FBN1: variants seen among roughly 807,000 people sequenced by gnomAD.
The protein encoded by FBN1 is fibrillin-1.
Under a neutral mutation model 365.1 loss-of-function variants are expected in FBN1, and 29 were observed. The ratio of observed to expected loss-of-function variants is 0.08; its 90% CI spans 0.06 to 0.11. The LOEUF (loss-of-function observed/expected upper bound fraction) is 0.11, where lower values mean the gene tolerates loss of function less well. Among genes scored for constraint, FBN1 ranks in the 10% least tolerant of loss-of-function variants. The probability of loss-of-function intolerance (pLI) is 1.00; values close to 1 mark genes in which losing one functional copy is unlikely to be tolerated. For synonymous variants in FBN1, 1,210 were observed against 1,270.5 expected (o/e 0.95, Z 1.01); for missense variants, 2,476 against 3,703.2 (o/e 0.67, Z 8.60).
At chr15:48,516,457 T>G (rs1031661517) in intron 10 of FBN1, 95 bp from the exon 11 acceptor site, 1 of 1,259,542 alleles carries the variant, frequency 7.9e-7, no homozygotes, top group African/African-American at 1.5e-5. Flanking sequence ...AAGATATTTT[T>G]GAATAAAATT....
chr15:48,481,315 C>T (rs183922107), intron 32 of FBN1, among the ~76,000 whole-genome samples: 70 of 152,204 alleles, frequency 4.6e-4, no homozygotes, highest in Non-Finnish European at 5.9e-5. Context: ...TTGGAAAAGG[C>T]TTGCTTCGGT....
intron 9 of FBN1, among the ~76,000 whole-genome samples, chr15:48,524,778 CA>C (rs1268358173): frequency 6.6e-6 from 1 of 152,164 alleles, no homozygotes. Flanking sequence ...TTCCCATCTA[CA>C]ATACTGCTGT....
chr15:48,425,850 T>C lies in FBN1; in HGVS notation c.7219A>G (p.Lys2407Glu), dbSNP rs774554301. ...TTTCGGCAAACATCGTGAATAACCT[T>C]GCATTCATCGATATCTGTAATTTAA... ...MTNGADIDEC[K>E]VIHDVCRNGE... Residue 2407 changes from lysine (K) to glutamate (E), a missense_variant, in exon 59 of 66, where the codon AAG becomes GAG. By Grantham distance (56) the Lys-to-Glu change is moderately conservative (BLOSUM62 1). This residue lies in a region of FBN1 where 1,780 missense variants were observed against 2,840.8 expected (regional missense o/e 0.63). Coordinates refer to ENST00000316623, the MANE Select transcript of FBN1 (RefSeq NM_000138.5). The C allele has an allele frequency of 2.5e-6, 4 of 1,609,756 alleles. No individual in the cohort carries two copies. The South Asian group carries it at 4.4e-5, about 18-fold the overall frequency.
rs143874095 is a variant in FBN1, at chr15:48,417,537, G to A, written c.7820-1770C>T. ...CTTTCCCTCCTTCCCTTCAGCTACA[G>A]GTCTTTGATCTTAACTGCCTGTCTG... is the stretch of plus-strand genomic sequence containing the variant. On this transcript the variant is annotated intron_variant, in intron 63 of 65. Transcript: ENST00000316623. Among the ~76,000 whole-genome samples the A allele has an allele frequency of 9.3e-3, 1,352 of 145,592 alleles. 19 individuals carry two copies. The highest frequency in any genetic ancestry group is 0.067 in the South Asian group (301 of 4,466).
Position 48,408,917 on chromosome 15 carries a change from TG to T in FBN1, c.*2072del. 6.6e-6 allele frequency: 1 copy of T among 152,434 alleles called. No homozygotes were observed. The highest frequency in any genetic ancestry group is 2.4e-5 in the African/African-American group (1 of 41,584). The allele number at this position is 152,434 out of a possible 1,614,324, so 9.4% of individuals were successfully genotyped here. On this transcript the variant is annotated 3_prime_UTR_variant, in exon 66 of 66. Coordinates refer to ENST00000316623, the MANE Select transcript of FBN1 (RefSeq NM_000138.5). ...TCAAAGACATTTTCCATATGCAAACTGTTGTTTACCATATGCTATATATTCT... is the reference window on the plus strand; with the variant it reads ...TCAAAGACATTTTCCATATGCAAACTTTGTTTACCATATGCTATATATTCT...
In FBN1 at chr15:48,420,819, C is replaced by G. The variant is rs775509707; in HGVS notation, c.7700-13G>C. 95 of 1,613,030 alleles carry G rather than the reference C, an allele frequency of 5.9e-5. No individual in the cohort carries two copies. The highest frequency in any genetic ancestry group is 7.5e-5 in the Non-Finnish European group (89 of 1,179,940). On this transcript the variant is annotated splice_polypyrimidine_tract_variant and intron_variant, in intron 62 of 65. Transcript: ENST00000316623. ...CACTCGTCCACGTCTGAAAAAGAAG[C>G]AGAGCCACCATGATGCCAACTCAAC... is the stretch of plus-strand genomic sequence containing the variant.
intron 2 of FBN1, chr15:48,642,629 T>C (rs1161477837): frequency 2.0e-5 from 3 of 151,262 alleles, no homozygotes; most frequent in African/African-American, 7.3e-5. Flanking sequence ...GGAAATACTT[T>C]TAATTGTATA....
intron 60 of FBN1, among the ~76,000 whole-genome samples, chr15:48,423,799 C>G (rs1454411716): frequency 6.6e-6 from 1 of 151,980 alleles, no homozygotes; most frequent in Non-Finnish European, 1.5e-5. Flanking sequence ...TTATATATAC[C>G]AAGTAAGTGG....
chr15:48,600,083 C>T (rs1271964327), intron 5 of FBN1, 56 bp downstream of exon 5: 1 of 1,267,516 alleles, frequency 7.9e-7, no homozygotes, highest in African/African-American at 1.5e-5. Context: ...TCTCTTTATT[C>T]TACTTGTCTA....
chr15:48,541,870 C>A (rs2044060513), intron 6 of FBN1, among the ~76,000 whole-genome samples: 1 of 151,950 alleles, frequency 6.6e-6, no homozygotes, highest in Admixed American at 6.6e-5. Flanking sequence ...GAAATGCTTT[C>A]TATTTGCAAA....
chr15:48,434,543 G>T (rs2043049307), intron 54 of FBN1, 51 bp downstream of exon 54: 1 of 1,609,462 alleles, frequency 6.2e-7, no homozygotes, highest in Non-Finnish European at 8.5e-7. Context: ...TCAACCAATT[G>T]TTCCCAGGAT....
chr15:48,640,916 T>C lies in FBN1; in HGVS notation c.164+3690A>G, dbSNP rs1890186487. 4.6e-5 allele frequency: 7 copies of C among 152,182 alleles called. No individual in the cohort carries two copies. In the South Asian group the frequency reaches 1.2e-3, roughly 27 times the overall value. 9.4% of individuals were successfully genotyped at this position (152,182 alleles called of 1,614,324 possible). A position where few individuals can be genotyped will look rare whatever the true frequency, so the allele number is the denominator to read the frequency against. ...TTGAGTTTTTTTTTTTTGGACTGTC[T>C]CCCACACTTTTTGCCTAATCACCAT... On this transcript the variant is annotated intron_variant, in intron 2 of 65. Coordinates refer to ENST00000316623, the MANE Select transcript of FBN1 (RefSeq NM_000138.5).
At chr15:48,564,070 T>A (rs1597607329) in intron 6 of FBN1, among the ~76,000 whole-genome samples, 1 of 152,258 alleles carries the variant, frequency 6.6e-6, no homozygotes, top group East Asian at 1.9e-4. Context: ...TTATATACTA[T>A]ATTGTTCCAG....
chr15:48,421,728 A>G (rs373241836), intron 61 of FBN1, 42 bp from the exon 62 acceptor site: 4 of 1,603,986 alleles, frequency 2.5e-6, no homozygotes, highest in South Asian at 1.1e-5. Flanking sequence ...AAAATTCCCC[A>G]AAGCTCTCTT....
Position 48,503,892 on chromosome 15 carries a change from A to G in FBN1, c.2008T>C (p.Cys670Arg). ...TCYGGYKRGQCIKPLFGAVTK... is the reference protein window; with the variant it reads ...TCYGGYKRGQRIKPLFGAVTK... ...ACAGCACCAAACAAAGGTTTGATAC[A>G]CTGGCCTCTCTTGTATCCACCATAG... Residue 670 changes from cysteine (C) to arginine (R), a missense_variant, in exon 17 of 66, where the codon TGT becomes CGT. Physicochemically the swap from Cys to Arg is radical, Grantham distance 180. Coordinates refer to ENST00000316623, the MANE Select transcript of FBN1 (RefSeq NM_000138.5). 2 of 1,614,208 alleles carry G rather than the reference A, an allele frequency of 1.2e-6. No individual in the cohort carries two copies. The highest frequency in any genetic ancestry group is 1.7e-6 in the Non-Finnish European group (2 of 1,180,036).
At chr15:48,419,796 T>C (rs2042926535) in intron 63 of FBN1, among the ~76,000 whole-genome samples, 2 of 152,186 alleles carry the variant, frequency 1.3e-5, no homozygotes. Flanking sequence ...CTGTACAGAA[T>C]AATGTGGCAA....
chr15:48,621,407 T>A (rs1407482960), intron 2 of FBN1, among the ~76,000 whole-genome samples: 1 of 152,232 alleles, frequency 6.6e-6, no homozygotes, highest in East Asian at 1.9e-4. Flanking sequence ...TTTACCTCTG[T>A]GGTCTTTTTC....
intron 40 of FBN1, among the ~76,000 whole-genome samples, chr15:48,465,229 A>G (rs537903973): frequency 4.6e-5 from 7 of 152,340 alleles, no homozygotes; most frequent in South Asian, 4.1e-4. Flanking sequence ...CTCCAAATAG[A>G]GAAGGAACAC....
At chr15:48,619,823 G>A (rs1285471478) in intron 2 of FBN1, among the ~76,000 whole-genome samples, 1 of 149,860 alleles carries the variant, frequency 6.7e-6, no homozygotes, top group Non-Finnish European at 1.5e-5. Flanking sequence ...CATGACACGA[G>A]TTTACCTGTA....
Sources: allele counts gnomAD v4.1 joint callset (sites outside exome capture counted in the v4.1 genomes callset), GRCh38; gene constraint gnomAD v4.1.1; regional missense constraint gnomAD v4.1.1; transcripts MANE v1.5; gene names NCBI Gene and HGNC (gene_info 2026-07-23, HGNC 2026-07-21).